RANBP2: variants seen among roughly 807,000 people sequenced by gnomAD.
The protein encoded by RANBP2 is RAN binding protein 2.
Under a neutral mutation model 303.6 loss-of-function variants are expected in RANBP2, and 57 were observed. That is an observed-to-expected ratio of 0.19 (90% CI 0.15 to 0.23). RANBP2 has a LOEUF of 0.23. Ranked by LOEUF, RANBP2 falls within the 10% of genes least tolerant of loss-of-function variation. The pLI is 1.00. For missense variants in RANBP2, 3,138 were observed against 3,780.8 expected (o/e 0.83, Z 4.46); for synonymous variants, 1,167 against 1,301.5 (o/e 0.90, Z 2.23).
chr2:109,517,873 G>A, the RANBP2 span, among the ~76,000 whole-genome samples: 14 of 152,238 alleles, frequency 9.2e-5, no homozygotes, highest in Non-Finnish European at 7.3e-5. Flanking sequence ...AACGACGCCC[G>A]AGGTCTTTGC....
chr2:109,283,960 G>T, the RANBP2 span, among the ~76,000 whole-genome samples: 1 of 152,160 alleles, frequency 6.6e-6, no homozygotes, highest in Admixed American at 6.5e-5. Flanking sequence ...CCTCCCTCCT[G>T]TCCCCACACC....
the RANBP2 span, among the ~76,000 whole-genome samples, chr2:109,208,534 G>A: frequency 2.0e-5 from 3 of 152,228 alleles, no homozygotes; most frequent in African/African-American, 7.2e-5. Context: ...TTTCTTGGAA[G>A]TGGAGCCACC....
chr2:109,578,682 G>A, the RANBP2 span, among the ~76,000 whole-genome samples: 12 of 152,026 alleles, frequency 7.9e-5, no homozygotes, highest in Admixed American at 1.3e-4. Context: ...CCAGGGAATC[G>A]CTTGAACCTG....
the RANBP2 span, among the ~76,000 whole-genome samples, chr2:109,701,998 C>T: frequency 6.6e-6 from 1 of 152,214 alleles, no homozygotes; most frequent in Non-Finnish European, 1.5e-5. Context: ...CAATCACCTA[C>T]CTACATGGTT....
At chr2:108,939,926 G>A in the RANBP2 span, among the ~76,000 whole-genome samples, 2 of 152,192 alleles carry the variant, frequency 1.3e-5, no homozygotes, top group African/African-American at 4.8e-5. Context: ...TGGTGTGATG[G>A]AGACGAGGCC....
chr2:109,256,206 T>A, the RANBP2 span, among the ~76,000 whole-genome samples: 2 of 152,164 alleles, frequency 1.3e-5, no homozygotes, highest in African/African-American at 4.8e-5. Context: ...AGGTGAAAGG[T>A]AGACAAGGAA....
At chr2:109,012,757 AC>A in the RANBP2 span, among the ~76,000 whole-genome samples, 1 of 152,182 alleles carries the variant, frequency 6.6e-6, no homozygotes, top group African/African-American at 2.4e-5. Flanking sequence ...TACTAAAGAT[AC>A]AAAAAATTAG....
At chr2:109,369,360 GAAAA>G in the RANBP2 span, among the ~76,000 whole-genome samples, 1 of 152,176 alleles carries the variant, frequency 6.6e-6, no homozygotes, top group South Asian at 2.1e-4. Flanking sequence ...AAAAGAAAAA[GAAAA>G]GAAAGAAAAG....
At chr2:109,497,361 G>T in the RANBP2 span, among the ~76,000 whole-genome samples, 1 of 152,212 alleles carries the variant, frequency 6.6e-6, no homozygotes. Flanking sequence ...AGACTCTGTT[G>T]TCAGGGAGGG....
At chr2:109,451,931 T>C in the RANBP2 span, among the ~76,000 whole-genome samples, 2 of 152,242 alleles carry the variant, frequency 1.3e-5, no homozygotes, top group African/African-American at 4.8e-5. Context: ...GTGGTTTTTG[T>C]GAGGCCCTCT....
the RANBP2 span, among the ~76,000 whole-genome samples, chr2:109,722,018 G>A: frequency 6.6e-6 from 1 of 152,242 alleles, no homozygotes; most frequent in Non-Finnish European, 1.5e-5. Context: ...TATTTTCAAA[G>A]TCAAATAGCC....
the RANBP2 span, among the ~76,000 whole-genome samples, chr2:108,898,233 G>C: frequency 6.6e-6 from 1 of 152,202 alleles, no homozygotes; most frequent in African/African-American, 2.4e-5. Context: ...CACTGTGCCA[G>C]GTGGTGTCAG....
In RANBP2 at chr2:108,750,016, G is replaced by T. The variant is rs1411191032; in HGVS notation, c.1273+887G>T. On this transcript the variant is annotated intron_variant, in intron 9 of 28. Transcript: ENST00000283195. ...AATACAAAAATTATCCGGGGGTGGT[G>T]GCATGTGCCTGTAGTCCTACTCAGG... is the stretch of plus-strand genomic sequence containing the variant. Among the ~76,000 whole-genome samples, 4 of 152,226 alleles carry T rather than the reference G, an allele frequency of 2.6e-5. No homozygotes were observed. The East Asian group carries it at 7.7e-4, about 29-fold the overall frequency.
At chr2:109,221,460 G>A in the RANBP2 span, among the ~76,000 whole-genome samples, 2 of 152,174 alleles carry the variant, frequency 1.3e-5, no homozygotes, top group East Asian at 3.9e-4. Context: ...GTGCACGCCT[G>A]TAATCCCAGC....
chr2:109,608,296 T>G, the RANBP2 span, among the ~76,000 whole-genome samples: 1 of 152,180 alleles, frequency 6.6e-6, no homozygotes, highest in Non-Finnish European at 1.5e-5. Flanking sequence ...CACAGAACAT[T>G]CAAGGTATCC....
the RANBP2 span, among the ~76,000 whole-genome samples, chr2:109,654,037 T>C: frequency 6.6e-6 from 1 of 152,144 alleles, no homozygotes; most frequent in Non-Finnish European, 1.5e-5. Context: ...AGGAATTTCC[T>C]TGCAAGGCAA....
chr2:109,271,372 C>T, the RANBP2 span, among the ~76,000 whole-genome samples: 2 of 152,220 alleles, frequency 1.3e-5, no homozygotes, highest in African/African-American at 2.4e-5. Flanking sequence ...CAAAGAAAAT[C>T]TCAACCCAAA....
At chr2:109,646,801 C>G in the RANBP2 span, among the ~76,000 whole-genome samples, 1 of 151,802 alleles carries the variant, frequency 6.6e-6, no homozygotes, top group South Asian at 2.1e-4. Flanking sequence ...CCACTGCTCC[C>G]GGCCACAAAT....
chr2:109,685,818 G>A, the RANBP2 span, among the ~76,000 whole-genome samples: 46 of 152,334 alleles, frequency 3.0e-4, no homozygotes, highest in Admixed American at 1.6e-3. Context: ...GGGCAAGGGA[G>A]GGACAAGGAC....
Sources: allele counts gnomAD v4.1 joint callset (sites outside exome capture counted in the v4.1 genomes callset), GRCh38; gene constraint gnomAD v4.1.1; transcripts MANE v1.5; gene names NCBI Gene and HGNC (gene_info 2026-07-23, HGNC 2026-07-21).